CDC25B: variants seen among roughly 807,000 people sequenced by gnomAD.
CDC25B encodes cell division cycle 25B, also known as M-phase inducer phosphatase 2.
In CDC25B, 33 loss-of-function variants were observed where a neutral mutation model predicts 69.8. That is an observed-to-expected ratio of 0.47 (90% confidence interval 0.36 to 0.63). The LOEUF is 0.63. CDC25B is among the 30% of genes least tolerant of loss of function. The pLI is 0.00. For missense variants in CDC25B, 727 were observed against 809.1 expected, an observed-to-expected ratio of 0.90 and a Z score of 1.23; for synonymous variants, 341 against 314.6, an observed-to-expected ratio of 1.08 and a Z score of -0.89.
chr20:3,794,604 G>C (rs1213862707), upstream of CDC25B, among the ~76,000 whole-genome samples: 1 of 152,136 alleles, frequency 6.6e-6, no homozygotes, highest in Non-Finnish European at 1.5e-5. Flanking sequence ...ATCCTCACTG[G>C]AAGTAGTGGC....
Position 3,796,536 on chromosome 20 carries a change from A to G in CDC25B, c.5A>G (p.Glu2Gly). The G allele has an allele frequency of 6.7e-7, 1 of 1,487,616 alleles. No individual in the cohort carries two copies. The highest frequency in any genetic ancestry group is 8.9e-7 in the Non-Finnish European group (1 of 1,126,180). 92.2% of individuals were successfully genotyped at this position (1,487,616 alleles called of 1,614,324 possible). A position where few individuals can be genotyped will look rare whatever the true frequency, so the allele number is the denominator to read the frequency against. ...CCTTCTGCCGGCCCCGCCGCGATGG[A>G]GGTGCCCCAGCCGGAGCCCGCGCCA... Reference protein sequence around the residue: MEVPQPEPAPGS... With the variant: MGVPQPEPAPGS... Residue 2 changes from glutamate (E) to glycine (G), a missense_variant, in exon 1 of 16, where the codon GAG (glutamate) becomes GGG (glycine). Physicochemically the swap from Glu to Gly is moderately conservative, Grantham distance 98. This residue lies in a region of CDC25B where 368 missense variants were observed against 345.6 expected (regional missense o/e 1.06). Coordinates refer to ENST00000245960, the MANE Select transcript of CDC25B (RefSeq NM_021873.4).
chr20:3,801,246 G>A lies in CDC25B; in HGVS notation c.706-8G>A. 6.2e-7 allele frequency: 1 copy of A among 1,613,484 alleles called. No homozygotes were observed. The highest frequency in any genetic ancestry group is 8.5e-7 in the Non-Finnish European group (1 of 1,179,772). On this transcript the variant is annotated splice_polypyrimidine_tract_variant and splice_region_variant and intron_variant, in intron 7 of 15. Transcript: ENST00000245960. ...CTCTAAGTCTGTGTCTGTCTGTCAT[G>A]TGGACAGTGTCTCAGTCCTGACCGG...
chr20:3,796,079 GA>G, upstream of CDC25B: 1 of 1,008,524 alleles, frequency 9.9e-7, no homozygotes, highest in Non-Finnish European at 1.2e-6. Context: ...GCGAGAGGCG[GA>G]TTTTGGGAGG....
chr20:3,800,206 C>G, intron 3 of CDC25B, 82 bp from the exon 4 acceptor site: 1 of 565,474 alleles, frequency 1.8e-6, no homozygotes, highest in South Asian at 2.5e-5. Flanking sequence ...CCCTTACTCC[C>G]CCCTGGACTG....
Position 3,796,475 on chromosome 20 carries a change from G to A in CDC25B, c.-57G>A, listed in dbSNP as rs992949461. The A allele has an allele frequency of 3.5e-5, 50 of 1,439,010 alleles. No homozygotes were observed. Among genetic ancestry groups the A allele is most frequent in the Non-Finnish European group, 4.2e-5 (46 of 1,102,908 alleles). 89.1% of individuals were successfully genotyped at this position (1,439,010 alleles called of 1,614,324 possible). On this transcript the variant is annotated 5_prime_UTR_variant, in exon 1 of 16. Coordinates refer to ENST00000245960, the MANE Select transcript of CDC25B (RefSeq NM_021873.4). ...CCTCGGCCCAGCCAGCTGTGCCGGC[G>A]TTTGTTGGCTGCCCTGCGCCCGGCC...
At chr20:3,804,717 G>C (rs767791694) in intron 15 of CDC25B, 37 bp downstream of exon 15, 2 of 1,597,698 alleles carry the variant, frequency 1.3e-6, no homozygotes, top group Non-Finnish European at 8.6e-7. Flanking sequence ...CTCTGTGTGA[G>C]GGTTGGCTTG....
At chr20:3,793,893 C>G (rs1405966367), upstream of CDC25B, among the ~76,000 whole-genome samples, 1 of 151,246 alleles carries the variant, frequency 6.6e-6, no homozygotes, top group Non-Finnish European at 1.5e-5. Context: ...ATGATTATTT[C>G]CAATTTCATC....
chr20:3,804,830 G>A lies in CDC25B; in HGVS notation c.1612G>A (p.Glu538Lys), dbSNP rs1225328024. 1 of 1,614,020 alleles carries A rather than the reference G, an allele frequency of 6.2e-7. No individual in the cohort carries two copies. Among genetic ancestry groups the A allele is most frequent in the African/African-American group, 1.3e-5 (1 of 74,934 alleles). The change falls in exon 16 of 16, where the codon GAA becomes AAA. Residue 538 changes from glutamate (E) to lysine (K), a missense_variant. Glu to Lys is a moderately conservative substitution (Grantham distance 56, BLOSUM62 1). This residue lies in a region of CDC25B where 359 missense variants were observed against 463.4 expected (regional missense o/e 0.77). Transcript: ENST00000245960. ...TCCTGTCCTGCCCTAGAACTTCTGT[G>A]AACCCCAGGACTACCGGCCCATGAA... ...EFFPQHPNFC[E>K]PQDYRPMNHE...
upstream of CDC25B, among the ~76,000 whole-genome samples, chr20:3,794,215 G>A (rs6052080): frequency 0.69 from 102,159 of 147,964 alleles, 36,421 homozygotes; most frequent in African/African-American, 0.88. Context: ...AGTCCCACCA[G>A]CGGTGTAAAA....
Position 3,805,997 on chromosome 20 carries a change from C to T in CDC25B, c.*1036C>T. 1 of 399,412 alleles carries T rather than the reference C, an allele frequency of 2.5e-6. No homozygotes were observed. The allele number at this position is 399,412 out of a possible 1,614,324, so 24.7% of individuals were successfully genotyped here. ...GGAAATGTCACAGAAGCAGCTAAAC[C>T]AAGGACTGAGCACCCTCTGGATTCT... On this transcript the variant is annotated 3_prime_UTR_variant, in exon 16 of 16. Coordinates refer to ENST00000245960, the MANE Select transcript of CDC25B (RefSeq NM_021873.4).
chr20:3,802,526 T>A, intron 11 of CDC25B, 150 bp downstream of exon 11: 1 of 624,222 alleles, frequency 1.6e-6, no homozygotes. Flanking sequence ...TGTTCTCACA[T>A]AGACTCCTCC....
At position 3,796,429 on chromosome 20, in the gene CDC25B, CCA is replaced by C; in HGVS notation, c.-101_-100del. The stretch of plus-strand genomic sequence containing the variant: ...CCTCCCTCCCTCCTTCCCCCCCCCC[CCA>C]CCCCTCGCCCGCTGCCTCCCTCGGC... On this transcript the variant is annotated 5_prime_UTR_variant, in exon 1 of 16. Coordinates refer to ENST00000245960, the MANE Select transcript of CDC25B (RefSeq NM_021873.4). 20 of 329,136 alleles carry C rather than the reference CCA, an allele frequency of 6.1e-5. No individual in the cohort carries two copies. Among genetic ancestry groups the C allele is most frequent in the South Asian group, 2.6e-4 (6 of 23,106 alleles). The allele number at this position is 329,136 out of a possible 1,614,324, so 20.4% of individuals were successfully genotyped here.
In CDC25B at chr20:3,796,472, G is replaced by A. The variant is rs1056530176; in HGVS notation, c.-60G>A. On this transcript the variant is annotated 5_prime_UTR_variant, in exon 1 of 16. Coordinates refer to ENST00000245960, the MANE Select transcript of CDC25B (RefSeq NM_021873.4). ...CTCCCTCGGCCCAGCCAGCTGTGCC[G>A]GCGTTTGTTGGCTGCCCTGCGCCCG... is the stretch of plus-strand genomic sequence containing the variant. The A allele has an allele frequency of 2.2e-3, 3,154 of 1,425,252 alleles. 7 individuals are homozygous for A. Among genetic ancestry groups the A allele is most frequent in the Admixed American group, 3.0e-3 (106 of 35,434 alleles). The allele number at this position is 1,425,252 out of a possible 1,614,324, so 88.3% of individuals were successfully genotyped here.
chr20:3,800,336 G>A lies in CDC25B; in HGVS notation c.422+7G>A, dbSNP rs887885502. The A allele has an allele frequency of 1.2e-6, 2 of 1,614,134 alleles. No homozygotes were observed. The highest frequency in any genetic ancestry group is 1.7e-5 in the Admixed American group (1 of 60,014). The stretch of plus-strand genomic sequence containing the variant: ...CCAGCCGGATCATTCGAAAGTAAGT[G>A]TTCCTGGGCCTCTTCCATCTACCAC... On this transcript the variant is annotated splice_region_variant and intron_variant, in intron 4 of 15. Coordinates refer to ENST00000245960, the MANE Select transcript of CDC25B (RefSeq NM_021873.4).
chr20:3,803,675 C>T lies in CDC25B; in HGVS notation c.1490+138C>T. On this transcript the variant is annotated intron_variant, in intron 14 of 15. Transcript: ENST00000245960. This position sits in a 1 kb window ranked among gnomAD's most constrained non-coding sequence, Gnocchi z 4.9. ...GTCCCATCTGATGGCCTAGAGCTGA[C>T]CTCAGCCCCACTTCACTGTGCATGG... 1 of 1,064,494 alleles carries T rather than the reference C, an allele frequency of 9.4e-7. No homozygotes were observed. The highest frequency in any genetic ancestry group is 1.5e-5 in the South Asian group (1 of 67,878). The allele number at this position is 1,064,494 out of a possible 1,614,324, so 65.9% of individuals were successfully genotyped here. A position where few individuals can be genotyped will look rare whatever the true frequency, so the allele number is the denominator to read the frequency against.
At chr20:3,789,189 C>T (rs2088873169) in intron 1 of CDC25B, among the ~76,000 whole-genome samples, 1 of 152,188 alleles carries the variant, frequency 6.6e-6, no homozygotes, top group African/African-American at 2.4e-5. Flanking sequence ...TTCTTTTGGT[C>T]CAGCCTGCCC....
intron 1 of CDC25B, among the ~76,000 whole-genome samples, chr20:3,789,928 G>C (rs1568497907): frequency 6.6e-6 from 1 of 151,882 alleles, no homozygotes; most frequent in Non-Finnish European, 1.5e-5. Context: ...GGTGGAGCTT[G>C]CAGTGAGCGG....
At chr20:3,787,289 T>C in intron 1 of CDC25B, 1 of 454,280 alleles carries the variant, frequency 2.2e-6, no homozygotes, top group South Asian at 4.5e-5. Context: ...TAGTGAGAAT[T>C]TTGCCATATC....
intron 3 of CDC25B, 59 bp downstream of exon 3, chr20:3,798,522 A>T (rs2089150087): frequency 1.5e-6 from 2 of 1,359,652 alleles, no homozygotes; most frequent in African/African-American, 1.5e-5. Flanking sequence ...TAAGAATCCT[A>T]GTTCTACCAT....
Sources: gnomAD v4.1 joint callset for allele counts (sites outside exome capture counted in the v4.1 genomes callset) on GRCh38, gnomAD v4.1.1 for gene constraint, gnomAD v4.1.1 regional missense constraint, Gnocchi (gnomAD v3.1) non-coding constraint, MANE v1.5 for transcripts, NCBI Gene and HGNC (gene_info 2026-07-23, HGNC 2026-07-21) for gene names.